Variants in NFIB observed in about 807,000 individuals in gnomAD.
NFIB encodes nuclear factor I B.
In NFIB, 11 loss-of-function variants were observed where a neutral mutation model predicts 61.5. The ratio of observed to expected loss-of-function variants is 0.18; its 90% CI spans 0.11 to 0.30. The LOEUF is 0.30. NFIB is among the 10% of genes least tolerant of loss of function. The pLI, the probability that NFIB is intolerant of heterozygous loss-of-function variation, is 1.00. For missense variants in NFIB, 471 were observed against 608.9 expected (o/e 0.77, Z 2.38); for synonymous variants, 260 against 216.5 (o/e 1.20, Z -1.76).
At chr9:14,292,068 AATG>A (rs1157974226) in intron 2 of NFIB, among the ~76,000 whole-genome samples, 9 of 152,340 alleles carry the variant, frequency 5.9e-5, no homozygotes, top group African/African-American at 2.2e-4. Context: ...CTTAATTACA[AATG>A]ATAATACAAG....
rs184994532 is a variant in NFIB at position 14,375,749 on chromosome 9, C to T, written c.108+22775G>A. 7.4e-4 allele frequency among the ~76,000 whole-genome samples: 112 copies of T among 152,042 alleles called. 1 individual carries two copies. Among genetic ancestry groups the T allele is most frequent in the African/African-American group, 2.6e-3 (107 of 41,478 alleles). On this transcript the variant is annotated intron_variant, in intron 1 of 8. Coordinates refer to the NFIB transcript ENST00000380934. ...ACGGCCACACTTAGCTGCAAGGGAA[C>T]CTGGTAAGGGAATCTTTTAAGAGGA...
chr9:14,402,655 C>G (rs2061754204), upstream of NFIB, among the ~76,000 whole-genome samples: 4 of 152,048 alleles, frequency 2.6e-5, no homozygotes, highest in Admixed American at 2.6e-4. Flanking sequence ...TTATTGAAAA[C>G]ATGTTCATTT....
chr9:14,283,341 A>G (rs932088977), intron 2 of NFIB, among the ~76,000 whole-genome samples: 2 of 152,246 alleles, frequency 1.3e-5, no homozygotes, highest in African/African-American at 4.8e-5. Context: ...GAAGGAATTT[A>G]GATTGAGAAA....
chr9:14,478,467 A>G, the NFIB span, among the ~76,000 whole-genome samples: 6 of 152,236 alleles, frequency 3.9e-5, no homozygotes, highest in African/African-American at 1.4e-4. Context: ...TGAGTAGAAC[A>G]CCATTTAACA....
At chr9:14,331,822 T>C (rs2060824288) in intron 1 of NFIB, among the ~76,000 whole-genome samples, 1 of 152,192 alleles carries the variant, frequency 6.6e-6, no homozygotes, top group Admixed American at 6.5e-5. Flanking sequence ...AATTTTTCAT[T>C]TGTCAAAATA....
intron 6 of NFIB, among the ~76,000 whole-genome samples, chr9:14,145,237 T>A (rs1012933944): frequency 6.6e-6 from 1 of 152,104 alleles, no homozygotes; most frequent in Non-Finnish European, 1.5e-5. Context: ...TCCAGCCACA[T>A]GGCACACACA....
At chr9:14,452,531 G>T in the NFIB span, among the ~76,000 whole-genome samples, 4 of 150,840 alleles carry the variant, frequency 2.7e-5, no homozygotes, top group East Asian at 7.9e-4. Flanking sequence ...AGTAGCAGGT[G>T]CTTTTGAAGT....
intron 1 of NFIB, among the ~76,000 whole-genome samples, chr9:14,343,494 A>T (rs75377523): frequency 0.026 from 3,901 of 151,108 alleles, 58 homozygotes; most frequent in Non-Finnish European, 0.038. Context: ...AGGGTTTATT[A>T]AAAAAAAGTG....
chr9:14,255,912 G>A (rs549863489), intron 2 of NFIB, among the ~76,000 whole-genome samples: 27 of 152,240 alleles, frequency 1.8e-4, no homozygotes, highest in South Asian at 1.5e-3. Flanking sequence ...TTACTGAAGC[G>A]CAAAACACCA....
chr9:14,422,856 G>A, the NFIB span, among the ~76,000 whole-genome samples: 4 of 152,184 alleles, frequency 2.6e-5, no homozygotes, highest in Non-Finnish European at 5.9e-5. Flanking sequence ...GAAGGGAAGG[G>A]TCAGGAGGAT....
At chr9:14,097,495 T>A (rs1336534016) in intron 10 of NFIB, among the ~76,000 whole-genome samples, 1 of 152,192 alleles carries the variant, frequency 6.6e-6, no homozygotes, top group Non-Finnish European at 1.5e-5. Flanking sequence ...CAGGAAATGC[T>A]AACCTAGTGA....
intron 3 of NFIB, among the ~76,000 whole-genome samples, chr9:14,159,152 A>G (rs1267514684): frequency 6.6e-6 from 1 of 152,206 alleles, no homozygotes; most frequent in Middle Eastern, 3.2e-3. Flanking sequence ...ACCAGTGGGA[A>G]GACAGTCAGG....
intron 1 of NFIB, among the ~76,000 whole-genome samples, chr9:14,359,538 A>T (rs1479455933): frequency 6.6e-6 from 1 of 152,206 alleles, no homozygotes; most frequent in Non-Finnish European, 1.5e-5. Context: ...GACCCTGCTG[A>T]CACCTTGACT....
At position 14,088,116 on chromosome 9, in the gene NFIB, T is replaced by C; in HGVS notation, c.*193A>G. ...GTTTCTTTCCTTTCTGCCTTTGTGT[T>C]GTTTTGTCCAGTCTTCCTCTTTTCC... On this transcript the variant is annotated 3_prime_UTR_variant, in exon 11 of 11. Transcript: ENST00000380953. The C allele has an allele frequency of 8.0e-7, 1 of 1,247,764 alleles. No individual in the cohort carries two copies. The highest frequency in any genetic ancestry group is 1.0e-6 in the Non-Finnish European group (1 of 954,778). 77.3% of individuals were successfully genotyped at this position (1,247,764 alleles called of 1,614,324 possible).
chr9:14,318,363 G>C (rs760881541), upstream of NFIB, among the ~76,000 whole-genome samples: 39 of 152,180 alleles, frequency 2.6e-4, no homozygotes, highest in Non-Finnish European at 5.4e-4. Flanking sequence ...AGAGGAGCTT[G>C]ACATCTCAAG....
At chr9:14,134,076 T>G (rs1341579115) in intron 6 of NFIB, among the ~76,000 whole-genome samples, 1 of 152,166 alleles carries the variant, frequency 6.6e-6, no homozygotes, top group Non-Finnish European at 1.5e-5. Flanking sequence ...CTTGATGGTT[T>G]AAATAAAATT....
intron 2 of NFIB, among the ~76,000 whole-genome samples, chr9:14,273,723 T>C (rs1162998820): frequency 3.9e-5 from 6 of 152,212 alleles, no homozygotes; most frequent in African/African-American, 1.4e-4. Flanking sequence ...TCATACACAG[T>C]ACAGAGATTC....
the NFIB span, among the ~76,000 whole-genome samples, chr9:14,417,874 G>T: frequency 2.2e-5 from 3 of 136,288 alleles, no homozygotes; most frequent in African/African-American, 8.1e-5. Context: ...TCTGCCTCCC[G>T]AGTTCAAGTG....
chr9:14,238,840 G>A lies in NFIB; in HGVS notation c.563-59060C>T, dbSNP rs535941964. Among the ~76,000 whole-genome samples, 182 of 152,120 alleles carry A rather than the reference G, an allele frequency of 1.2e-3. 3 individuals carry two copies. The South Asian group carries it at 0.037, about 31-fold the overall frequency. ...TCACCCAACCGAGATATAAATCTGT[G>A]GGCTTCTCCACCCTTCTCAAAAATA... On this transcript the variant is annotated intron_variant, in intron 2 of 10. Transcript: ENST00000380953.
Sources: allele counts gnomAD v4.1 joint callset (sites outside exome capture counted in the v4.1 genomes callset), GRCh38; gene constraint gnomAD v4.1.1; transcripts MANE v1.5; gene names NCBI Gene and HGNC (gene_info 2026-07-23, HGNC 2026-07-21).